RABGAP1L: variants seen among roughly 807,000 people sequenced by gnomAD.
The protein encoded by RABGAP1L is RAB GTPase activating protein 1 like.
A neutral mutation model predicts 137.7 loss-of-function variants in RABGAP1L; 63 were observed. The ratio of observed to expected loss-of-function variants is 0.46; its 90% CI spans 0.37 to 0.56. RABGAP1L has a LOEUF of 0.56. Among genes scored for constraint, RABGAP1L ranks in the 20% least tolerant of loss-of-function variants. RABGAP1L has a pLI of 0.00. For missense variants in RABGAP1L, 1,095 were observed against 1,244.0 expected, an observed-to-expected ratio of 0.88 and a Z score of 1.80; for synonymous variants, 431 against 433.7, an observed-to-expected ratio of 0.99 and a Z score of 0.08.
At chr1:174,547,376 G>A (rs1206315616) in intron 13 of RABGAP1L, among the ~76,000 whole-genome samples, 7 of 152,278 alleles carry the variant, frequency 4.6e-5, no homozygotes, top group South Asian at 2.1e-4. Context: ...TGGTACTTTG[G>A]AAGGCCGAGG....
chr1:174,551,506 C>A (rs1203333726), intron 13 of RABGAP1L, among the ~76,000 whole-genome samples: 1 of 151,976 alleles, frequency 6.6e-6, no homozygotes, highest in Non-Finnish European at 1.5e-5. Flanking sequence ...AGTTAAACCT[C>A]CCACATGTGT....
rs912748805 is a variant in RABGAP1L at position 174,994,269 on chromosome 1, G to A, written c.*4268G>A. On this transcript the variant is annotated 3_prime_UTR_variant, in exon 26 of 26. Coordinates refer to ENST00000681986, the MANE Select transcript of RABGAP1L (RefSeq NM_001366446.1). ...GGAGATGCTGATCTTGAGTTGTAATGAGAAAAGTGGGCATATAGGAGATTT... is the reference window on the plus strand; with the variant it reads ...GGAGATGCTGATCTTGAGTTGTAATAAGAAAAGTGGGCATATAGGAGATTT... The A allele has an allele frequency of 1.4e-4, 21 of 152,022 alleles. No homozygotes were observed. Among genetic ancestry groups the A allele is most frequent in the African/African-American group, 4.8e-4 (20 of 41,246 alleles). The allele number at this position is 152,022 out of a possible 1,614,324, so 9.4% of individuals were successfully genotyped here. A position where few individuals can be genotyped will look rare whatever the true frequency, so the allele number is the denominator to read the frequency against.
intron 19 of RABGAP1L, among the ~76,000 whole-genome samples, chr1:174,834,190 G>A (rs1263502781): frequency 6.6e-6 from 1 of 152,218 alleles, no homozygotes; most frequent in East Asian, 1.9e-4. Context: ...ACTTTGGGAG[G>A]CCAAGGCGGG....
chr1:174,861,179 G>A lies in RABGAP1L; in HGVS notation c.2340+49219G>A, dbSNP rs115358978. Among the ~76,000 whole-genome samples the A allele has an allele frequency of 2.0e-3, 299 of 152,214 alleles. 1 individual carries two copies. Among genetic ancestry groups the A allele is most frequent in the Non-Finnish European group, 3.6e-3 (244 of 67,988 alleles). Reference sequence around the variant, plus strand: ...TTTTTAGATTCCATCTGTAACTGAAGTCATATAATATTTGTCTTTCTGTGT... The same window carrying A: ...TTTTTAGATTCCATCTGTAACTGAAATCATATAATATTTGTCTTTCTGTGT... On this transcript the variant is annotated intron_variant, in intron 19 of 25. Transcript: ENST00000681986.
At chr1:174,278,816 A>G in intron 10 of RABGAP1L, 37 bp downstream of exon 10, 1 of 1,370,552 alleles carries the variant, frequency 7.3e-7, no homozygotes, top group Non-Finnish European at 9.6e-7. Flanking sequence ...ATAGTAACAA[A>G]CATTTTTCTT....
At chr1:174,807,978 C>CTTTTT (rs144433289) in intron 18 of RABGAP1L, among the ~76,000 whole-genome samples, 1 of 94,604 alleles carries the variant, frequency 1.1e-5, no homozygotes, top group African/African-American at 3.3e-5. Flanking sequence ...ACAACAAATT[C>CTTTTT]TTTTTTTTTT....
chr1:174,183,804 A>G (rs1184508465), intron 1 of RABGAP1L, among the ~76,000 whole-genome samples: 1 of 150,696 alleles, frequency 6.6e-6, no homozygotes, highest in African/African-American at 2.4e-5. Flanking sequence ...TTGCCTCAAT[A>G]CTTTTGCCTT....
chr1:174,972,288 T>C (rs943369034), intron 21 of RABGAP1L, among the ~76,000 whole-genome samples: 1 of 152,150 alleles, frequency 6.6e-6, no homozygotes, highest in African/African-American at 2.4e-5. Context: ...AAGTGGAAAA[T>C]TATTTTGTTT....
At chr1:174,874,981 G>A (rs1217871591) in intron 19 of RABGAP1L, among the ~76,000 whole-genome samples, 1 of 152,138 alleles carries the variant, frequency 6.6e-6, no homozygotes, top group East Asian at 1.9e-4. Flanking sequence ...GAGTGTCCCT[G>A]CTCAAGAAAA....
chr1:174,619,489 A>T (rs1672237965), intron 13 of RABGAP1L, among the ~76,000 whole-genome samples: 1 of 152,244 alleles, frequency 6.6e-6, no homozygotes, highest in African/African-American at 2.4e-5. Flanking sequence ...AATATTCAAC[A>T]TTCTTAAAGA....
At chr1:174,676,034 A>G (rs1198086434) in intron 14 of RABGAP1L, among the ~76,000 whole-genome samples, 1 of 152,160 alleles carries the variant, frequency 6.6e-6, no homozygotes, top group Non-Finnish European at 1.5e-5. Flanking sequence ...TACTTACACA[A>G]ATACTACCTT....
rs144460716 is a variant in RABGAP1L, at chr1:174,385,863, A to G, written c.1560-8132A>G. Among the ~76,000 whole-genome samples, 601 of 152,362 alleles carry G rather than the reference A, an allele frequency of 3.9e-3. 4 individuals carry two copies. The highest frequency in any genetic ancestry group is 0.014 in the African/African-American group (564 of 41,588). ...AGGAATGAAAGCCCAGCTGGATTGG[A>G]AATCAGCAGATATAGATAGCTCTTA... On this transcript the variant is annotated intron_variant, in intron 12 of 25. Coordinates refer to ENST00000681986, the MANE Select transcript of RABGAP1L (RefSeq NM_001366446.1).
chr1:174,899,402 G>A (rs1021964060), intron 19 of RABGAP1L, among the ~76,000 whole-genome samples: 1 of 152,174 alleles, frequency 6.6e-6, no homozygotes, highest in Non-Finnish European at 1.5e-5. Flanking sequence ...GTGGAAAACT[G>A]TTCAAAAGAT....
Position 174,871,071 on chromosome 1 carries a change from A to T in RABGAP1L, c.2340+59111A>T, listed in dbSNP as rs117828598. Among the ~76,000 whole-genome samples the T allele has an allele frequency of 1.7e-3, 265 of 152,018 alleles. 3 individuals carry two copies. In the East Asian group the frequency reaches 0.039, roughly 22 times the overall value. ...ACATTTTTAGTAAATATTCATTGTT[A>T]TAGATTATTTGTATTACTAGATTAC... On this transcript the variant is annotated intron_variant, in intron 19 of 25. Coordinates refer to ENST00000681986, the MANE Select transcript of RABGAP1L (RefSeq NM_001366446.1).
chr1:174,530,696 C>T (rs963200959), intron 13 of RABGAP1L, among the ~76,000 whole-genome samples: 4 of 152,104 alleles, frequency 2.6e-5, no homozygotes, highest in African/African-American at 7.2e-5. Flanking sequence ...CCAGTGTTCT[C>T]TCTTGGATGA....
At chr1:174,277,574 C>A (rs6670617) in intron 9 of RABGAP1L, among the ~76,000 whole-genome samples, 86,956 of 151,274 alleles carry the variant, frequency 0.57, 27,369 homozygotes, top group African/African-American at 0.85. Flanking sequence ...TTAAATTTAA[C>A]ATTATCTCAT....
intron 11 of RABGAP1L, among the ~76,000 whole-genome samples, chr1:174,331,515 G>GT (rs1681031721): frequency 6.6e-6 from 1 of 152,158 alleles, no homozygotes; most frequent in Non-Finnish European, 1.5e-5. Flanking sequence ...CATACAAATA[G>GT]TCAACAGGTT....
At chr1:174,466,794 G>A (rs1011783445) in intron 13 of RABGAP1L, among the ~76,000 whole-genome samples, 5 of 151,998 alleles carry the variant, frequency 3.3e-5, no homozygotes, top group South Asian at 2.1e-4. Flanking sequence ...CCCCGCCCCC[G>A]AAAAAAGAGA....
chr1:174,693,408 A>G (rs1679012758), intron 15 of RABGAP1L, among the ~76,000 whole-genome samples: 1 of 152,238 alleles, frequency 6.6e-6, no homozygotes, highest in Admixed American at 6.5e-5. Context: ...ACTTACAGTT[A>G]AATAACTCAT....
Sources: allele counts gnomAD v4.1 joint callset (sites outside exome capture counted in the v4.1 genomes callset), GRCh38; gene constraint gnomAD v4.1.1; transcripts MANE v1.5; gene names NCBI Gene and HGNC (gene_info 2026-07-23, HGNC 2026-07-21).